CDH26: variants seen among roughly 807,000 people sequenced by gnomAD.
The protein encoded by CDH26 is cadherin 26.
A neutral mutation model predicts 90.3 loss-of-function variants in CDH26; 83 were observed. The ratio of observed to expected loss-of-function variants is 0.92; its 90% CI spans 0.77 to 1.10. The LOEUF is 1.10. Among genes scored for constraint, CDH26 ranks in the 50% least tolerant of loss-of-function variants. The pLI is 0.00. For missense variants in CDH26, 1,013 were observed against 1,037.6 expected, an observed-to-expected ratio of 0.98 and a Z score of 0.33; for synonymous variants, 397 against 396.3, an observed-to-expected ratio of 1.00 and a Z score of -0.02.
chr20:60,028,372 G>A (rs2062014974), intron 7 of CDH26, among the ~76,000 whole-genome samples: 1 of 152,240 alleles, frequency 6.6e-6, no homozygotes, highest in South Asian at 2.1e-4. Context: ...TCCCCACTGG[G>A]ACTGCAGGCT....
chr20:60,012,435 G>T, intron 17 of CDH26, 92 bp from the exon 18 acceptor site: 3 of 1,206,468 alleles, frequency 2.5e-6, no homozygotes, highest in Non-Finnish European at 3.5e-6. Context: ...TGTTACTACT[G>T]CATTGATGTG....
Position 59,958,528 on chromosome 20 carries a change from C to T in CDH26, c.-199C>T, listed in dbSNP as rs1601064360. 8.0e-6 allele frequency: 5 copies of T among 628,872 alleles called. No individual in the cohort carries two copies. Among genetic ancestry groups the T allele is most frequent in the Non-Finnish European group, 1.4e-5 (5 of 349,090 alleles). 39.0% of individuals were successfully genotyped at this position (628,872 alleles called of 1,614,324 possible). A position where few individuals can be genotyped will look rare whatever the true frequency, so the allele number is the denominator to read the frequency against. On this transcript the variant is annotated 5_prime_UTR_variant, in exon 1 of 18. Coordinates refer to ENST00000348616, the MANE Select transcript of CDH26 (RefSeq NM_177980.4). The stretch of plus-strand genomic sequence containing the variant: ...ACGTATGTTCAAGCTTACAAGTCAG[C>T]CCACCCCACTCTGATAAATGCAAGA...
At chr20:59,974,274 T>C (rs2061300278) in intron 4 of CDH26, among the ~76,000 whole-genome samples, 1 of 152,216 alleles carries the variant, frequency 6.6e-6, no homozygotes, top group Non-Finnish European at 1.5e-5. Flanking sequence ...TCCTTATAGA[T>C]GCTAGATATT....
chr20:60,032,242 G>T (rs1007461524), intron 8 of CDH26, among the ~76,000 whole-genome samples: 1 of 152,146 alleles, frequency 6.6e-6, no homozygotes, highest in Non-Finnish European at 1.5e-5. Context: ...ATCAGGCAAA[G>T]TCCAGTAAGT....
chr20:59,972,631 G>C (rs552796828), intron 4 of CDH26, among the ~76,000 whole-genome samples: 1 of 152,270 alleles, frequency 6.6e-6, no homozygotes, highest in Non-Finnish European at 1.5e-5. Flanking sequence ...TGTAAACTAG[G>C]AAAGGAAATT....
At chr20:59,983,094 G>A (rs549703311) in intron 5 of CDH26, 24 bp downstream of exon 5, 47 of 1,609,928 alleles carry the variant, frequency 2.9e-5, no homozygotes, top group South Asian at 1.3e-4. Flanking sequence ...GGGGGCTGCC[G>A]GGCTTCCTTC....
At chr20:60,032,726 T>C (rs975199584) in intron 8 of CDH26, among the ~76,000 whole-genome samples, 1 of 151,880 alleles carries the variant, frequency 6.6e-6, no homozygotes, top group Non-Finnish European at 1.5e-5. Flanking sequence ...GAAATCATCA[T>C]TCTCAGTAAA....
At chr20:59,962,075 G>T (rs931624656) in intron 1 of CDH26, among the ~76,000 whole-genome samples, 3 of 152,190 alleles carry the variant, frequency 2.0e-5, no homozygotes, top group Non-Finnish European at 4.4e-5. Context: ...GGTTGCAGAA[G>T]GTGGGGATAG....
intron 17 of CDH26, among the ~76,000 whole-genome samples, chr20:60,008,588 C>G (rs536243017): frequency 6.6e-6 from 1 of 152,144 alleles, no homozygotes; most frequent in African/African-American, 2.4e-5. Flanking sequence ...TGAGCCTGGA[C>G]GTCTCCTGCT....
rs567265597 is a variant in CDH26 at position 59,968,922 on chromosome 20, TG to T, written c.70-43del. On this transcript the variant is annotated intron_variant, in intron 1 of 17. Coordinates refer to ENST00000348616, the MANE Select transcript of CDH26 (RefSeq NM_177980.4). The stretch of plus-strand genomic sequence containing the variant: ...ACTCCAGGTGGTTTCCATGTGATTC[TG>T]GTAAGAATATTCTCTACTAATTAAT... 9.8e-5 allele frequency: 104 copies of T among 1,060,032 alleles called. No individual in the cohort carries two copies. The African/African-American group carries it at 1.5e-3, about 16-fold the overall frequency. The allele number at this position is 1,060,032 out of a possible 1,614,324, so 65.7% of individuals were successfully genotyped here. A position where few individuals can be genotyped will look rare whatever the true frequency, so the allele number is the denominator to read the frequency against.
At chr20:60,017,731 G>A (rs80119969), downstream of CDH26, among the ~76,000 whole-genome samples, 2,755 of 151,892 alleles carry the variant, frequency 0.018, 80 homozygotes, top group African/African-American at 0.063. Flanking sequence ...GTTGTTTAAT[G>A]TAGTCATTTG....
intron 4 of CDH26, among the ~76,000 whole-genome samples, chr20:59,979,601 C>CTTTTTTTTT (rs559969476): frequency 8.4e-5 from 4 of 47,498 alleles, no homozygotes; most frequent in South Asian, 7.4e-4. Flanking sequence ...CTGCTATGCA[C>CTTTTTTTTT]TTTTTTTTTT....
At chr20:60,004,638 C>T (rs1422821390) in intron 16 of CDH26, among the ~76,000 whole-genome samples, 2 of 151,610 alleles carry the variant, frequency 1.3e-5, no homozygotes, top group East Asian at 1.9e-4. Flanking sequence ...TGGTGGCGGG[C>T]GCCTGTAGCC....
intron 16 of CDH26, among the ~76,000 whole-genome samples, chr20:60,003,795 G>A (rs778021476): frequency 2.0e-5 from 3 of 152,204 alleles, no homozygotes; most frequent in Non-Finnish European, 4.4e-5. Flanking sequence ...TGGGGATAGA[G>A]TTAAACCAGT....
intron 7 of CDH26, among the ~76,000 whole-genome samples, chr20:59,987,207 C>T (rs189097144): frequency 1.3e-5 from 2 of 152,182 alleles, no homozygotes; most frequent in East Asian, 3.9e-4. Flanking sequence ...AATTATTTAG[C>T]GAGTCACAGG....
chr20:60,007,947 G>A (rs545267166), intron 17 of CDH26, among the ~76,000 whole-genome samples: 4 of 152,270 alleles, frequency 2.6e-5, no homozygotes, highest in East Asian at 1.9e-4. Context: ...CAGCCACTGC[G>A]TACTCCTGGG....
At chr20:59,979,496 C>T (rs905884049) in intron 4 of CDH26, among the ~76,000 whole-genome samples, 7 of 151,348 alleles carry the variant, frequency 4.6e-5, no homozygotes, top group East Asian at 1.9e-4. Context: ...CGTGCCCAGC[C>T]GAGTTTGTTC....
intron 4 of CDH26, among the ~76,000 whole-genome samples, chr20:59,978,378 CTT>C (rs112134656): frequency 7.7e-5 from 11 of 143,292 alleles, no homozygotes; most frequent in South Asian, 2.2e-4. Flanking sequence ...TTTATACTTA[CTT>C]TTTTTTTTTT....
intron 4 of CDH26, among the ~76,000 whole-genome samples, chr20:59,974,582 CATTA>C (rs536920314): frequency 1.1e-4 from 17 of 152,170 alleles, no homozygotes; most frequent in Non-Finnish European, 2.2e-4. Context: ...ATGGCATCCC[CATTA>C]ATTCTGTTAT....
Sources: allele counts gnomAD v4.1 joint callset (sites outside exome capture counted in the v4.1 genomes callset), GRCh38; gene constraint gnomAD v4.1.1; transcripts MANE v1.5; gene names NCBI Gene and HGNC (gene_info 2026-07-23, HGNC 2026-07-21).